GALNT10: variants seen among roughly 807,000 people sequenced by gnomAD.
GALNT10 encodes polypeptide N-acetylgalactosaminyltransferase 10.
A neutral mutation model predicts 75.0 loss-of-function variants in GALNT10; 41 were observed. The ratio of observed to expected loss-of-function variants is 0.55; its 90% CI spans 0.43 to 0.71. The LOEUF (loss-of-function observed/expected upper bound fraction) is 0.71, where lower values mean the gene tolerates loss of function less well. Among genes scored for constraint, GALNT10 ranks in the 30% least tolerant of loss-of-function variants. The pLI is 0.00. For missense variants in GALNT10, 727 were observed against 818.5 expected, an observed-to-expected ratio of 0.89 and a Z score of 1.36; for synonymous variants, 302 against 313.0, an observed-to-expected ratio of 0.96 and a Z score of 0.37.
intron 4 of GALNT10, among the ~76,000 whole-genome samples, chr5:154,344,170 T>A (rs1755080673): frequency 6.6e-6 from 1 of 151,726 alleles, no homozygotes; most frequent in Non-Finnish European, 1.5e-5. Flanking sequence ...GTCCATAAGT[T>A]CCTTCCACTA....
intron 1 of GALNT10, among the ~76,000 whole-genome samples, chr5:154,236,684 A>G (rs1328884381): frequency 2.0e-5 from 3 of 152,238 alleles, no homozygotes; most frequent in Admixed American, 6.5e-5. Context: ...TGCCATTGCC[A>G]TTAGCTGTCA....
chr5:154,293,594 G>GATATATATATATAT (rs754824803), intron 1 of GALNT10, among the ~76,000 whole-genome samples: 1 of 140,668 alleles, frequency 7.1e-6, no homozygotes, highest in African/African-American at 2.9e-5. Context: ...TCTTGGGGCT[G>GATATATATATATAT]ATATATATAT....
intron 1 of GALNT10, among the ~76,000 whole-genome samples, chr5:154,241,730 A>C (rs1454721234): frequency 6.6e-6 from 1 of 152,208 alleles, no homozygotes; most frequent in Non-Finnish European, 1.5e-5. Flanking sequence ...TAGTTTCTTT[A>C]ACCATTCCTA....
At chr5:154,373,912 G>C (rs910343073) in intron 4 of GALNT10, among the ~76,000 whole-genome samples, 6 of 152,176 alleles carry the variant, frequency 3.9e-5, no homozygotes, top group African/African-American at 1.2e-4. Flanking sequence ...GGGCCTCAAT[G>C]ATTAGAGCCG....
intron 4 of GALNT10, among the ~76,000 whole-genome samples, chr5:154,334,871 C>T (rs139980560): frequency 1.9e-4 from 29 of 152,346 alleles, no homozygotes; most frequent in African/African-American, 5.5e-4. Context: ...TCACCTCACC[C>T]ATGAGGCCAG....
Position 154,416,093 on chromosome 5 carries a change from G to C in GALNT10, c.1653+161G>C, listed in dbSNP as rs11167679. ...TCATTCAAGAGTAGTCAGAAATCTA[G>C]ACTTCACTGTGAAATCCTCAAGTCT... On this transcript the variant is annotated intron_variant, in intron 11 of 11. Transcript: ENST00000297107. This position sits in a 1 kb window ranked among gnomAD's most constrained non-coding sequence, Gnocchi z 4.5. Among the ~76,000 whole-genome samples, 21,510 of 152,116 alleles carry C rather than the reference G, an allele frequency of 0.14. 1,596 individuals are homozygous for C. The highest frequency in any genetic ancestry group is 0.26 in the East Asian group (1,343 of 5,176).
chr5:154,319,533 T>C (rs531736481), intron 3 of GALNT10, among the ~76,000 whole-genome samples: 1 of 152,312 alleles, frequency 6.6e-6, no homozygotes, highest in African/African-American at 2.4e-5. Flanking sequence ...GGGTTAACAC[T>C]CTCTGCTTCA....
At chr5:154,258,626 G>A (rs1434673138) in intron 1 of GALNT10, among the ~76,000 whole-genome samples, 1 of 152,168 alleles carries the variant, frequency 6.6e-6, no homozygotes, top group African/African-American at 2.4e-5. Flanking sequence ...ACGGATGTGG[G>A]CTTTCTATGC....
intron 1 of GALNT10, among the ~76,000 whole-genome samples, chr5:154,213,869 C>G (rs1485361972): frequency 6.6e-6 from 1 of 152,206 alleles, no homozygotes; most frequent in African/African-American, 2.4e-5. Context: ...AGGCACGAAC[C>G]ATGTGCACAG....
At chr5:154,223,239 G>T (rs1753010177) in intron 1 of GALNT10, among the ~76,000 whole-genome samples, 1 of 152,210 alleles carries the variant, frequency 6.6e-6, no homozygotes, top group Non-Finnish European at 1.5e-5. Flanking sequence ...ATTATTGCAT[G>T]CGTGATCTGC....
chr5:154,260,274 A>G (rs2113022952), intron 1 of GALNT10, among the ~76,000 whole-genome samples: 1 of 152,200 alleles, frequency 6.6e-6, no homozygotes. Flanking sequence ...TCTTTCCCAT[A>G]TTTGAAAGGA....
intron 1 of GALNT10, among the ~76,000 whole-genome samples, chr5:154,246,711 C>T (rs1753431578): frequency 1.3e-5 from 2 of 151,964 alleles, no homozygotes; most frequent in South Asian, 4.1e-4. Flanking sequence ...GGATATTAGC[C>T]CTTTGTCAGA....
chr5:154,287,844 G>A (rs976249496), intron 1 of GALNT10, among the ~76,000 whole-genome samples: 7 of 151,746 alleles, frequency 4.6e-5, no homozygotes, highest in Non-Finnish European at 7.4e-5. Context: ...GCTAAATTAA[G>A]CCCTACCTGG....
At chr5:154,327,025 G>A (rs1483403398) in intron 3 of GALNT10, among the ~76,000 whole-genome samples, 1 of 151,986 alleles carries the variant, frequency 6.6e-6, no homozygotes, top group Non-Finnish European at 1.5e-5. Flanking sequence ...ATACCAGCCT[G>A]GGCAACTTGG....
At chr5:154,248,336 A>C (rs1363354820) in intron 1 of GALNT10, among the ~76,000 whole-genome samples, 4 of 152,244 alleles carry the variant, frequency 2.6e-5, no homozygotes, top group African/African-American at 9.6e-5. Context: ...AAAATGAGTT[A>C]GGGAGGATTC....
chr5:154,201,189 G>A (rs562474750), intron 1 of GALNT10, among the ~76,000 whole-genome samples: 16 of 152,066 alleles, frequency 1.1e-4, no homozygotes, highest in African/African-American at 3.4e-4. Flanking sequence ...GGAGACATTC[G>A]ACTTTGGGAG....
At chr5:154,375,001 C>A (rs1413446125) in intron 4 of GALNT10, among the ~76,000 whole-genome samples, 2 of 152,016 alleles carry the variant, frequency 1.3e-5, no homozygotes, top group Admixed American at 6.5e-5. Flanking sequence ...AAAAAGTTTA[C>A]CTTGTAAAAT....
intron 3 of GALNT10, among the ~76,000 whole-genome samples, chr5:154,303,110 C>G (rs1445564903): frequency 6.6e-6 from 1 of 151,740 alleles, no homozygotes; most frequent in Admixed American, 6.5e-5. Context: ...CAACACCCCC[C>G]ACCCAAAAAA....
intron 4 of GALNT10, among the ~76,000 whole-genome samples, chr5:154,364,512 G>A (rs1202314239): frequency 6.6e-6 from 1 of 152,094 alleles, no homozygotes; most frequent in Non-Finnish European, 1.5e-5. Flanking sequence ...GGGGTGTTTT[G>A]CATGGGGAGG....
Sources: gnomAD v4.1 joint callset for allele counts (sites outside exome capture counted in the v4.1 genomes callset) on GRCh38, gnomAD v4.1.1 for gene constraint, Gnocchi (gnomAD v3.1) non-coding constraint, MANE v1.5 for transcripts, NCBI Gene and HGNC (gene_info 2026-07-23, HGNC 2026-07-21) for gene names.